The following COMMD10 variants were observed in gnomAD, a reference collection of about 807,000 sequenced individuals.
The protein encoded by COMMD10 is COMM domain containing 10.
Under a neutral mutation model 28.9 loss-of-function variants are expected in COMMD10, and 33 were observed. That is an observed-to-expected ratio of 1.14 (90% CI 0.87 to 1.53). The LOEUF is 1.53. COMMD10 is among the 40% of genes most tolerant of loss of function. The probability of loss-of-function intolerance (pLI) is 0.00; values close to 1 mark genes in which losing one functional copy is unlikely to be tolerated. For synonymous variants in COMMD10, 110 were observed against 81.7 expected (o/e 1.35, Z -1.87); for missense variants, 310 against 233.4 (o/e 1.33, Z -2.14).
rs535124499 is a variant in COMMD10 at position 116,248,957 on chromosome 5, GTAA to G, written c.511-42553_511-42551del. Among the ~76,000 whole-genome samples the G allele has an allele frequency of 2.0e-5, 3 of 152,024 alleles. No individual in the cohort carries two copies. In the East Asian group the frequency reaches 5.8e-4, roughly 29 times the overall value. Reference sequence around the variant, plus strand: ...CTTGTTTGGAGATTTCTAAAATCAAGTAATAATAAGTAACAGTAAATGGTACTG... The same window carrying G: ...CTTGTTTGGAGATTTCTAAAATCAAGTAATAAGTAACAGTAAATGGTACTG... On this transcript the variant is annotated intron_variant, in intron 5 of 6. Transcript: ENST00000274458.
rs558409103 is a variant in COMMD10 at position 116,203,987 on chromosome 5, A to G, written c.510+69809A>G. Among the ~76,000 whole-genome samples, 1,094 of 152,306 alleles carry G rather than the reference A, an allele frequency of 7.2e-3. 17 individuals carry two copies. The highest frequency in any genetic ancestry group is 0.025 in the African/African-American group (1,049 of 41,562). On this transcript the variant is annotated intron_variant, in intron 5 of 6. Coordinates refer to ENST00000274458, the MANE Select transcript of COMMD10 (RefSeq NM_016144.4). ...CAAGACCCATCAGTGTGCTGTATTCAGGAAACCCATCTCACGTGCAGAGAC... is the reference window on the plus strand; with the variant it reads ...CAAGACCCATCAGTGTGCTGTATTCGGGAAACCCATCTCACGTGCAGAGAC...
At chr5:116,257,738 G>A (rs72806931) in intron 5 of COMMD10, among the ~76,000 whole-genome samples, 7,995 of 151,620 alleles carry the variant, frequency 0.053, 305 homozygotes, top group East Asian at 0.14. Flanking sequence ...TCAAATAAAA[G>A]GAATATTATG....
chr5:116,209,083 T>C (rs1748893212), intron 5 of COMMD10, among the ~76,000 whole-genome samples: 1 of 152,156 alleles, frequency 6.6e-6, no homozygotes. Context: ...TTCCAAGTCT[T>C]ACCCTAAAGC....
chr5:116,244,658 T>TAA (rs1749894581), intron 5 of COMMD10, among the ~76,000 whole-genome samples: 1 of 48,604 alleles, frequency 2.1e-5, no homozygotes, highest in African/African-American at 1.0e-4. Flanking sequence ...AAAAAAAAAT[T>TAA]ACAAAAAAAA....
intron 4 of COMMD10, among the ~76,000 whole-genome samples, chr5:116,128,495 A>G (rs1373934234): frequency 6.6e-6 from 1 of 151,274 alleles, no homozygotes; most frequent in Non-Finnish European, 1.5e-5. Flanking sequence ...TGTACACAGG[A>G]TAGTTTTATT....
At chr5:116,191,967 A>G (rs576214243) in intron 5 of COMMD10, among the ~76,000 whole-genome samples, 31 of 148,912 alleles carry the variant, frequency 2.1e-4, no homozygotes, top group East Asian at 1.7e-3. Flanking sequence ...AGACACATAG[A>G]TGGTTCACAT....
At chr5:116,254,371 T>C (rs547950175) in intron 5 of COMMD10, among the ~76,000 whole-genome samples, 1 of 152,178 alleles carries the variant, frequency 6.6e-6, no homozygotes, top group East Asian at 1.9e-4. Context: ...GCTTTTCTAG[T>C]TCTTTTAATT....
intron 5 of COMMD10, among the ~76,000 whole-genome samples, chr5:116,179,720 T>C (rs1001086895): frequency 6.6e-6 from 1 of 152,158 alleles, no homozygotes. Context: ...AATGCTTTTA[T>C]AGATTTCTTG....
chr5:116,150,122 C>G (rs1329841244), intron 5 of COMMD10, among the ~76,000 whole-genome samples: 1 of 152,038 alleles, frequency 6.6e-6, no homozygotes, highest in Admixed American at 6.6e-5. Flanking sequence ...GAATACTTTC[C>G]CCATTTCTTG....
chr5:116,126,890 A>G (rs6594943), intron 4 of COMMD10, among the ~76,000 whole-genome samples: 124,937 of 152,138 alleles, frequency 0.82, 51,464 homozygotes, highest in African/African-American at 0.84. Context: ...CTAAAACACC[A>G]AAAGCAATGG....
intron 4 of COMMD10, among the ~76,000 whole-genome samples, chr5:116,101,646 C>T (rs1304024050): frequency 2.0e-5 from 3 of 152,086 alleles, no homozygotes; most frequent in Admixed American, 6.5e-5. Context: ...AGGCTGGTCT[C>T]GAACTCCTGA....
chr5:116,121,119 C>T (rs1751417065), intron 4 of COMMD10, among the ~76,000 whole-genome samples: 1 of 152,114 alleles, frequency 6.6e-6, no homozygotes, highest in Admixed American at 6.6e-5. Context: ...TCTCCTAATG[C>T]TCTCCTTCCC....
rs569306870 is a variant in COMMD10, at chr5:116,134,782, C to T, written c.510+604C>T. 2.5e-4 allele frequency among the ~76,000 whole-genome samples: 38 copies of T among 152,122 alleles called. No homozygotes were observed. In the South Asian group the frequency reaches 7.7e-3, roughly 31 times the overall value. ...GACTACAGGCGCCTGCCACCTTGTC[C>T]GGCTAATTTTTTGTATTTTTAGTAG... On this transcript the variant is annotated intron_variant, in intron 5 of 6. Coordinates refer to ENST00000274458, the MANE Select transcript of COMMD10 (RefSeq NM_016144.4).
Position 116,093,768 on chromosome 5 carries a change from T to G in COMMD10, c.399+1068T>G, listed in dbSNP as rs570416017. On this transcript the variant is annotated intron_variant, in intron 4 of 6. Coordinates refer to ENST00000274458, the MANE Select transcript of COMMD10 (RefSeq NM_016144.4). ...GCTGGAGGCATCATATTCCCTGATT[T>G]CAACTTGTATTACAAGGCTATAGTA... 5.4e-4 allele frequency among the ~76,000 whole-genome samples: 82 copies of G among 152,330 alleles called. 3 individuals carry two copies. The highest frequency in any genetic ancestry group is 3.4e-3 in the Middle Eastern group (1 of 294).
chr5:116,279,831 T>G (rs1751024176), intron 5 of COMMD10, among the ~76,000 whole-genome samples: 3 of 151,798 alleles, frequency 2.0e-5, no homozygotes, highest in South Asian at 4.1e-4. Context: ...GACTTTAACC[T>G]TGCATTACCT....
At chr5:116,174,805 T>A (rs552095850) in intron 5 of COMMD10, among the ~76,000 whole-genome samples, 1 of 152,318 alleles carries the variant, frequency 6.6e-6, no homozygotes, top group Non-Finnish European at 1.5e-5. Context: ...TACTCAATTT[T>A]TAATCAAAGC....
intron 5 of COMMD10, among the ~76,000 whole-genome samples, chr5:116,205,097 T>C (rs1246339204): frequency 6.6e-6 from 1 of 152,176 alleles, no homozygotes; most frequent in Admixed American, 6.5e-5. Flanking sequence ...ATAGATTTCC[T>C]AGATGGTCAT....
At chr5:116,250,361 A>T (rs1402852690) in intron 5 of COMMD10, among the ~76,000 whole-genome samples, 1 of 151,698 alleles carries the variant, frequency 6.6e-6, no homozygotes, top group Non-Finnish European at 1.5e-5. Flanking sequence ...TTTATATTGA[A>T]ATGCTGTGGC....
At chr5:116,163,896 G>A (rs1267790944) in intron 5 of COMMD10, among the ~76,000 whole-genome samples, 2 of 152,028 alleles carry the variant, frequency 1.3e-5, no homozygotes, top group African/African-American at 2.4e-5. Context: ...TATATTTTTG[G>A]TTTTGTCTTG....
Sources: gnomAD v4.1 joint callset for allele counts (sites outside exome capture counted in the v4.1 genomes callset) on GRCh38, gnomAD v4.1.1 for gene constraint, MANE v1.5 for transcripts, NCBI Gene and HGNC (gene_info 2026-07-23, HGNC 2026-07-21) for gene names.